Variants in SLC24A2 observed in about 807,000 individuals in gnomAD.
SLC24A2 encodes solute carrier family 24 member 2, also known as sodium/potassium/calcium exchanger 2.
In SLC24A2, 36 loss-of-function variants were observed where a neutral mutation model predicts 62.0. The observed-to-expected ratio is 0.58, with a 90% CI of 0.44 to 0.77. The LOEUF is 0.77. Ranked by LOEUF, SLC24A2 falls within the 30% of genes least tolerant of loss-of-function variation. The probability of loss-of-function intolerance (pLI) is 0.00; values close to 1 mark genes in which losing one functional copy is unlikely to be tolerated. For synonymous variants in SLC24A2, 358 were observed against 294.0 expected, an observed-to-expected ratio of 1.22 and a Z score of -2.23; for missense variants, 846 against 817.9, an observed-to-expected ratio of 1.03 and a Z score of -0.42.
At chr9:20,224,764 C>A in the SLC24A2 span, among the ~76,000 whole-genome samples, 77 of 152,012 alleles carry the variant, frequency 5.1e-4, no homozygotes, top group African/African-American at 1.8e-3. Context: ...AAGGTGTAGT[C>A]CATGCTGTTG....
chr9:19,575,908 T>C (rs1365495780), intron 6 of SLC24A2, among the ~76,000 whole-genome samples: 1 of 152,242 alleles, frequency 6.6e-6, no homozygotes, highest in Non-Finnish European at 1.5e-5. Flanking sequence ...TACATTTTTA[T>C]AGTACAAAAC....
At chr9:19,750,408 C>T (rs1428254000) in intron 2 of SLC24A2, among the ~76,000 whole-genome samples, 5 of 152,038 alleles carry the variant, frequency 3.3e-5, no homozygotes, top group Non-Finnish European at 7.4e-5. Flanking sequence ...AGATAGCATG[C>T]GAAGACTCTA....
At chr9:20,149,488 T>C in the SLC24A2 span, among the ~76,000 whole-genome samples, 2 of 140,318 alleles carry the variant, frequency 1.4e-5, no homozygotes, top group East Asian at 4.3e-4. Flanking sequence ...AAACTTTTTC[T>C]GTAATGGGCT....
In SLC24A2 at chr9:19,520,783, G is replaced by C. The variant is rs932148374; in HGVS notation, c.1736+111C>G. ...GTATTCTCAATCTTTACTCTGTATT[G>C]GTATTGGTTAGTCTTAGGTTCAGAG... On this transcript the variant is annotated intron_variant, in intron 10 of 10. Transcript: ENST00000341998. The C allele has an allele frequency of 4.3e-6, 4 of 922,116 alleles. No homozygotes were observed. The African/African-American group carries it at 4.9e-5, about 11-fold the overall frequency. The allele number at this position is 922,116 out of a possible 1,614,324, so 57.1% of individuals were successfully genotyped here. A position where few individuals can be genotyped will look rare whatever the true frequency, so the allele number is the denominator to read the frequency against.
the SLC24A2 span, among the ~76,000 whole-genome samples, chr9:20,184,476 G>T: frequency 1.3e-5 from 2 of 152,218 alleles, no homozygotes; most frequent in Non-Finnish European, 2.9e-5. Flanking sequence ...TTGAACTCAG[G>T]AGGTGGAGGT....
In SLC24A2 at chr9:19,511,021, A is replaced by C. The variant is rs940526631; in HGVS notation, c.*5132T>G. On this transcript the variant is annotated 3_prime_UTR_variant, in exon 11 of 11. Coordinates refer to ENST00000341998, the MANE Select transcript of SLC24A2 (RefSeq NM_020344.4). Reference sequence around the variant, plus strand: ...GAAGGCATGCAAAATGCCAGTGTGTACATTAGCTGGGGGGAGTCATTGTGG... The same window carrying C: ...GAAGGCATGCAAAATGCCAGTGTGTCCATTAGCTGGGGGGAGTCATTGTGG... The C allele has an allele frequency of 2.7e-4, 41 of 152,254 alleles. No homozygotes were observed. Among genetic ancestry groups the C allele is most frequent in the African/African-American group, 9.2e-4 (38 of 41,444 alleles). The allele number at this position is 152,254 out of a possible 1,614,324, so 9.4% of individuals were successfully genotyped here. A position where few individuals can be genotyped will look rare whatever the true frequency, so the allele number is the denominator to read the frequency against.
intron 2 of SLC24A2, among the ~76,000 whole-genome samples, chr9:19,710,156 A>G (rs186444628): frequency 1.2e-4 from 19 of 152,320 alleles, no homozygotes; most frequent in African/African-American, 4.6e-4. Flanking sequence ...CATTTGTAAT[A>G]AAGCCCTAGC....
Position 19,515,990 on chromosome 9 carries a change from G to C in SLC24A2, c.*163C>G, listed in dbSNP as rs1589114776. ...GCAGGGTGGAAGCAGCCTGTGAAGTGAATGGGCCCAGTGTGAATCCATCTC... is the reference window on the plus strand; with the variant it reads ...GCAGGGTGGAAGCAGCCTGTGAAGTCAATGGGCCCAGTGTGAATCCATCTC... On this transcript the variant is annotated 3_prime_UTR_variant, in exon 11 of 11. Coordinates refer to ENST00000341998, the MANE Select transcript of SLC24A2 (RefSeq NM_020344.4). The C allele has an allele frequency of 6.9e-6, 6 of 872,686 alleles. No individual in the cohort carries two copies. In the East Asian group the frequency reaches 9.8e-5, roughly 14 times the overall value. The allele number at this position is 872,686 out of a possible 1,614,324, so 54.1% of individuals were successfully genotyped here.
the SLC24A2 span, among the ~76,000 whole-genome samples, chr9:19,825,131 C>T: frequency 6.6e-6 from 1 of 152,114 alleles, no homozygotes; most frequent in Non-Finnish European, 1.5e-5. Context: ...CACATGTATA[C>T]CTATGTAACA....
At chr9:20,158,351 C>T in the SLC24A2 span, among the ~76,000 whole-genome samples, 9 of 151,652 alleles carry the variant, frequency 5.9e-5, no homozygotes, top group Non-Finnish European at 7.4e-5. Flanking sequence ...GATTAAGAAG[C>T]GGAGCCTTTA....
intron 7 of SLC24A2, among the ~76,000 whole-genome samples, chr9:19,557,551 C>T (rs778438538): frequency 4.7e-4 from 71 of 152,134 alleles, no homozygotes; most frequent in Admixed American, 9.2e-4. Context: ...GTGGTGTTGA[C>T]TCAAAGCCTT....
intron 2 of SLC24A2, among the ~76,000 whole-genome samples, chr9:19,743,484 T>C (rs969279407): frequency 2.4e-4 from 37 of 152,304 alleles, no homozygotes; most frequent in African/African-American, 8.4e-4. Context: ...AACTTTGCTA[T>C]TGACCTAGGT....
At chr9:19,546,554 C>G (rs1400171777) in intron 8 of SLC24A2, among the ~76,000 whole-genome samples, 1 of 152,104 alleles carries the variant, frequency 6.6e-6, no homozygotes, top group Non-Finnish European at 1.5e-5. Context: ...GCTTGAGCAT[C>G]CCAGGTTGAC....
chr9:19,723,764 AAG>A (rs1821094840), intron 2 of SLC24A2, among the ~76,000 whole-genome samples: 1 of 151,964 alleles, frequency 6.6e-6, no homozygotes, highest in Non-Finnish European at 1.5e-5. Flanking sequence ...GCCAGAAGCA[AAG>A]AGAGAAAAAA....
At chr9:19,666,111 C>T (rs1403992887) in intron 2 of SLC24A2, among the ~76,000 whole-genome samples, 1 of 152,092 alleles carries the variant, frequency 6.6e-6, no homozygotes, top group East Asian at 1.9e-4. Flanking sequence ...ACATCTTACT[C>T]ATTTTTATTA....
chr9:19,880,403 T>C, the SLC24A2 span, among the ~76,000 whole-genome samples: 4 of 152,326 alleles, frequency 2.6e-5, no homozygotes, highest in East Asian at 7.7e-4. Context: ...TTAACCTTTC[T>C]TATGTCCACT....
chr9:19,735,346 G>C (rs1410345488), intron 2 of SLC24A2, among the ~76,000 whole-genome samples: 2 of 152,052 alleles, frequency 1.3e-5, no homozygotes, highest in Non-Finnish European at 2.9e-5. Context: ...TCATTAAAAA[G>C]TCAGGAAACA....
chr9:20,105,930 AC>A, the SLC24A2 span, among the ~76,000 whole-genome samples: 5 of 152,226 alleles, frequency 3.3e-5, no homozygotes, highest in African/African-American at 1.2e-4. Context: ...GAAAGGATCA[AC>A]AAAATTGATA....
chr9:19,539,425 G>C (rs201478057), intron 8 of SLC24A2, among the ~76,000 whole-genome samples: 2 of 151,496 alleles, frequency 1.3e-5, no homozygotes, highest in Non-Finnish European at 2.9e-5. Flanking sequence ...CGCTGGTTTC[G>C]AAGAACATCT....
Sources: gnomAD v4.1 joint callset for allele counts (sites outside exome capture counted in the v4.1 genomes callset) on GRCh38, gnomAD v4.1.1 for gene constraint, MANE v1.5 for transcripts, NCBI Gene and HGNC (gene_info 2026-07-23, HGNC 2026-07-21) for gene names.